ATG7: variants seen among roughly 807,000 people sequenced by gnomAD.
ATG7 encodes autophagy related 7.
A neutral mutation model predicts 82.4 loss-of-function variants in ATG7; 70 were observed. The observed-to-expected ratio is 0.85, with a 90% CI of 0.70 to 1.04. The LOEUF is 1.04. Among genes scored for constraint, ATG7 ranks in the 50% least tolerant of loss-of-function variants. The pLI is 0.00. For missense variants in ATG7, 792 were observed against 864.3 expected (o/e 0.92, Z 1.05); for synonymous variants, 287 against 313.0 (o/e 0.92, Z 0.88).
intron 18 of ATG7, 61 bp from the exon 19 acceptor site, chr3:11,379,911 C>T (rs939122324): frequency 2.0e-6 from 3 of 1,505,496 alleles, no homozygotes; most frequent in Admixed American, 1.7e-5. Context: ...ACCAGACGTG[C>T]ATTTCATAGA....
intron 19 of ATG7, among the ~76,000 whole-genome samples, chr3:11,414,325 C>G (rs987702154): frequency 3.3e-5 from 5 of 152,198 alleles, no homozygotes; most frequent in African/African-American, 1.2e-4. Context: ...CTCGGCCTCC[C>G]ACAGTACTGG....
intron 19 of ATG7, among the ~76,000 whole-genome samples, chr3:11,417,681 T>G (rs1320994828): frequency 6.6e-6 from 1 of 151,938 alleles, no homozygotes; most frequent in African/African-American, 2.4e-5. Flanking sequence ...GATTAATATC[T>G]GCCATATTTG....
At chr3:11,528,996 G>A (rs1469689779) in intron 20 of ATG7, among the ~76,000 whole-genome samples, 3 of 152,088 alleles carry the variant, frequency 2.0e-5, no homozygotes, top group Admixed American at 2.0e-4. Context: ...AGAATGGATG[G>A]GAACTGCAAA....
chr3:11,457,904 C>T (rs552433592), intron 20 of ATG7, among the ~76,000 whole-genome samples: 1 of 152,228 alleles, frequency 6.6e-6, no homozygotes, highest in East Asian at 1.9e-4. Flanking sequence ...CAGGACCGGA[C>T]CTAGTGCATT....
chr3:11,569,699 G>A, the ATG7 span, among the ~76,000 whole-genome samples: 16 of 152,300 alleles, frequency 1.1e-4, no homozygotes, highest in East Asian at 2.3e-3. Flanking sequence ...ACAGCCAGTC[G>A]TTCACACAGT....
rs1242849531 is a variant in ATG7 at position 11,331,342 on chromosome 3, A to G, written c.681A>G (p.Ile227Met). The change falls in exon 10 of 21, where the codon ATA (isoleucine) becomes ATG (methionine). Residue 227 changes from isoleucine (I) to methionine (M), a missense_variant and splice_region_variant. Physicochemically the swap from Ile to Met is conservative, Grantham distance 10. Coordinates refer to ENST00000693202, the MANE Select transcript of ATG7 (RefSeq NM_001349232.2). Reference sequence around the variant, plus strand: ...CAGAAAGTCTTTTTTGTTCACAGATAACAATTGGTGTATATGATCCCTGTA... The same window carrying G: ...CAGAAAGTCTTTTTTGTTCACAGATGACAATTGGTGTATATGATCCCTGTA... ...SDFFQGQRTK[I>M]TIGVYDPCNL... 3.1e-6 allele frequency: 5 copies of G among 1,611,306 alleles called. No homozygotes were observed. The Admixed American group carries it at 8.3e-5, about 27-fold the overall frequency.
At chr3:11,374,094 A>T (rs1163191038) in intron 18 of ATG7, among the ~76,000 whole-genome samples, 2 of 152,234 alleles carry the variant, frequency 1.3e-5, no homozygotes, top group African/African-American at 4.8e-5. Context: ...TCTTAATTAT[A>T]GTATTCAGAC....
At chr3:11,514,092 C>T (rs2092183087) in intron 20 of ATG7, among the ~76,000 whole-genome samples, 1 of 152,180 alleles carries the variant, frequency 6.6e-6, no homozygotes, top group African/African-American at 2.4e-5. Context: ...TTTAGTTTAA[C>T]ACATGACTGT....
rs551743601 is a variant in ATG7, at chr3:11,530,531, A to G, written c.2080-24280A>G. Reference sequence around the variant, plus strand: ...AAAGATAAATACAAGAAAAACCCCAATTCTTTCCAGTCGGCACCCATTCCA... The same window carrying G: ...AAAGATAAATACAAGAAAAACCCCAGTTCTTTCCAGTCGGCACCCATTCCA... On this transcript the variant is annotated intron_variant, in intron 20 of 20. Transcript: ENST00000693202. Among the ~76,000 whole-genome samples the G allele has an allele frequency of 4.6e-5, 7 of 152,250 alleles. No homozygotes were observed. The East Asian group carries it at 5.8e-4, about 13-fold the overall frequency.
At chr3:11,279,112 T>C (rs1942507810) in intron 1 of ATG7, among the ~76,000 whole-genome samples, 1 of 152,164 alleles carries the variant, frequency 6.6e-6, no homozygotes, top group African/African-American at 2.4e-5. Flanking sequence ...GGTCCTTGCA[T>C]GGGGCTAGTG....
intron 20 of ATG7, among the ~76,000 whole-genome samples, chr3:11,501,654 C>G (rs1057079465): frequency 7.2e-5 from 11 of 152,176 alleles, no homozygotes; most frequent in African/African-American, 2.7e-4. Context: ...GGAATATATG[C>G]TGATATATTC....
the ATG7 span, among the ~76,000 whole-genome samples, chr3:11,566,778 T>C: frequency 6.6e-6 from 1 of 152,148 alleles, no homozygotes; most frequent in Non-Finnish European, 1.5e-5. Context: ...CCACCGTCAA[T>C]GATCTCTTCG....
At chr3:11,448,141 C>T (rs1264439619) in intron 20 of ATG7, among the ~76,000 whole-genome samples, 1 of 152,200 alleles carries the variant, frequency 6.6e-6, no homozygotes, top group African/African-American at 2.4e-5. Flanking sequence ...CCACAGATAC[C>T]AGAAAAGAAG....
At chr3:11,395,965 A>AAAAAGG in intron 19 of ATG7, among the ~76,000 whole-genome samples, 1 of 78,084 alleles carries the variant, frequency 1.3e-5, no homozygotes, top group Non-Finnish European at 2.3e-5. Flanking sequence ...AAAAAAAAAA[A>AAAAAGG]GGTAGGGGGG....
chr3:11,334,584 G>A (rs1952116510), intron 11 of ATG7, among the ~76,000 whole-genome samples: 1 of 151,738 alleles, frequency 6.6e-6, no homozygotes, highest in South Asian at 2.1e-4. Flanking sequence ...TCATCCTCAT[G>A]GTTCCAAGGC....
chr3:11,521,614 G>A lies in ATG7; in HGVS notation c.2080-33197G>A, dbSNP rs530533496. ...GTCACCCAGGCTGGAGCACAGTGGC[G>A]CGATATTGGCTCACTGCAAGTTCCA... On this transcript the variant is annotated intron_variant, in intron 20 of 20. Coordinates refer to ENST00000693202, the MANE Select transcript of ATG7 (RefSeq NM_001349232.2). Among the ~76,000 whole-genome samples, 12 of 151,264 alleles carry A rather than the reference G, an allele frequency of 7.9e-5. No homozygotes were observed. In the East Asian group the frequency reaches 2.3e-3, roughly 30 times the overall value.
intron 14 of ATG7, among the ~76,000 whole-genome samples, chr3:11,350,586 T>C (rs1302533537): frequency 7.9e-5 from 12 of 152,182 alleles, no homozygotes; most frequent in Admixed American, 7.9e-4. Context: ...AAAGGGTTGG[T>C]GATTATTATG....
chr3:11,313,462 T>A, intron 8 of ATG7, 42 bp downstream of exon 8: 1 of 1,408,066 alleles, frequency 7.1e-7, no homozygotes, highest in Non-Finnish European at 1.0e-6. Flanking sequence ...TTGGGTTGAA[T>A]GTGCAAGAGT....
At chr3:11,313,498 A>G in intron 8 of ATG7, 78 bp downstream of exon 8, 2 of 1,008,574 alleles carry the variant, frequency 2.0e-6, no homozygotes, top group Middle Eastern at 2.2e-4. Flanking sequence ...TCCAAAGACA[A>G]ACAGGCACTT....
Sources: allele counts gnomAD v4.1 joint callset (sites outside exome capture counted in the v4.1 genomes callset), GRCh38; gene constraint gnomAD v4.1.1; transcripts MANE v1.5; gene names NCBI Gene and HGNC (gene_info 2026-07-23, HGNC 2026-07-21).